NCOA1: variants seen among roughly 807,000 people sequenced by gnomAD.
The protein encoded by NCOA1 is Hin-2 protein.
In NCOA1, 35 loss-of-function variants were observed where a neutral mutation model predicts 150.9. The ratio of observed to expected loss-of-function variants is 0.23; its 90% CI spans 0.18 to 0.31. The LOEUF is 0.31. NCOA1 is among the 10% of genes least tolerant of loss of function. The probability of loss-of-function intolerance (pLI) is 1.00; values close to 1 mark genes in which losing one functional copy is unlikely to be tolerated. For synonymous variants in NCOA1, 590 were observed against 630.0 expected, an observed-to-expected ratio of 0.94 and a Z score of 0.95; for missense variants, 1,491 against 1,749.3, an observed-to-expected ratio of 0.85 and a Z score of 2.63.
At chr2:24,619,156 A>G (rs1426369863) in intron 3 of NCOA1, among the ~76,000 whole-genome samples, 1 of 152,162 alleles carries the variant, frequency 6.6e-6, no homozygotes, top group Non-Finnish European at 1.5e-5. Flanking sequence ...AATTGCTTCT[A>G]TTTAGGCATC....
chr2:24,689,071 A>G (rs1367819845), intron 8 of NCOA1, among the ~76,000 whole-genome samples: 2 of 151,894 alleles, frequency 1.3e-5, no homozygotes, highest in East Asian at 1.9e-4. Context: ...GTGCCGCCCT[A>G]TTTCTAGGCT....
chr2:24,615,004 A>T (rs865965749), intron 3 of NCOA1, among the ~76,000 whole-genome samples: 3 of 152,322 alleles, frequency 2.0e-5, no homozygotes, highest in Non-Finnish European at 1.5e-5. Flanking sequence ...GAGAAATTGA[A>T]TTATTCAAGT....
chr2:24,503,829 G>T (rs1663573151), intron 1 of NCOA1, among the ~76,000 whole-genome samples: 1 of 151,444 alleles, frequency 6.6e-6, no homozygotes, highest in Non-Finnish European at 1.5e-5. Flanking sequence ...CTGTCTCCTG[G>T]GTTCAAGCGA....
chr2:24,740,683 C>T (rs940488493), intron 18 of NCOA1, among the ~76,000 whole-genome samples: 2 of 152,172 alleles, frequency 1.3e-5, no homozygotes, highest in South Asian at 2.1e-4. Flanking sequence ...ATCCAGATTT[C>T]AGTTTCTCTG....
In NCOA1 at chr2:24,707,645, A is replaced by G; in HGVS notation, c.2175A>G (p.Val725=). ...CTTCTGTGTCAGTGACTGGACAGGT[A>G]CAAGGAAACTCCAGTATAAAACTAG... ...ASTSVSVTGQ[V]QGNSSIKLEL... The change falls in exon 13 of 23, where the codon GTA becomes GTG. Residue 725 remains valine (V), a synonymous_variant. Transcript: ENST00000348332. 1.2e-6 allele frequency: 2 copies of G among 1,614,258 alleles called. No individual in the cohort carries two copies. Among genetic ancestry groups the G allele is most frequent in the Middle Eastern group, 1.6e-4 (1 of 6,062 alleles).
intron 22 of NCOA1, among the ~76,000 whole-genome samples, chr2:24,763,371 C>G (rs1320073998): frequency 1.3e-5 from 2 of 151,528 alleles, no homozygotes; most frequent in African/African-American, 4.8e-5. Flanking sequence ...AACCCTGTCT[C>G]TACTAAAAAT....
chr2:24,541,886 A>G (rs2148195854), intron 1 of NCOA1, among the ~76,000 whole-genome samples: 1 of 152,372 alleles, frequency 6.6e-6, no homozygotes, highest in African/African-American at 2.4e-5. Context: ...GACTTTAAAA[A>G]TTTAAATTCA....
At chr2:24,541,755 C>T (rs1665408665) in intron 1 of NCOA1, among the ~76,000 whole-genome samples, 1 of 152,170 alleles carries the variant, frequency 6.6e-6, no homozygotes, top group African/African-American at 2.4e-5. Flanking sequence ...ACATGGCCAT[C>T]CCTCTTGTAG....
At chr2:24,621,194 A>G (rs541513349) in intron 3 of NCOA1, among the ~76,000 whole-genome samples, 1 of 152,070 alleles carries the variant, frequency 6.6e-6, no homozygotes, top group Admixed American at 6.6e-5. Context: ...TTCCTGGAAT[A>G]TGGCATGTGA....
intron 3 of NCOA1, among the ~76,000 whole-genome samples, chr2:24,634,251 T>C (rs1040711574): frequency 6.6e-6 from 1 of 152,158 alleles, no homozygotes; most frequent in Admixed American, 6.5e-5. Context: ...ATGGGGACTT[T>C]AGCTTTATCA....
At chr2:24,691,350 C>T in intron 8 of NCOA1, 131 bp from the exon 9 acceptor site, 2 of 745,304 alleles carry the variant, frequency 2.7e-6, no homozygotes, top group Non-Finnish European at 4.4e-6. Context: ...AATGTTAGAT[C>T]TGAAGAGGTC....
chr2:24,523,799 G>A (rs1330139039), intron 1 of NCOA1, among the ~76,000 whole-genome samples: 1 of 149,824 alleles, frequency 6.7e-6, no homozygotes, highest in Non-Finnish European at 1.5e-5. Flanking sequence ...GGTGGCGCGT[G>A]CCTGTAGTCC....
At chr2:24,672,472 G>A (rs1029205490) in intron 6 of NCOA1, among the ~76,000 whole-genome samples, 1 of 152,080 alleles carries the variant, frequency 6.6e-6, no homozygotes, top group Admixed American at 6.6e-5. Context: ...ATAGCCCACC[G>A]CTGCCTCAAA....
Position 24,729,446 on chromosome 2 carries a change from TG to T in NCOA1, c.2887-54del. 3 of 1,479,756 alleles carry T rather than the reference TG, an allele frequency of 2.0e-6. No individual in the cohort carries two copies. The East Asian group carries it at 6.8e-5, about 34-fold the overall frequency. The allele number at this position is 1,479,756 out of a possible 1,614,324, so 91.7% of individuals were successfully genotyped here. On this transcript the variant is annotated intron_variant, in intron 16 of 22. Coordinates refer to ENST00000348332, the MANE Select transcript of NCOA1 (RefSeq NM_003743.5). ...GGTGCTTTCTAGAAATACGGAAGCA[TG>T]TTACTTATTGGCAGAAATTTATTTG...
chr2:24,709,555 C>G (rs187012850), intron 13 of NCOA1, among the ~76,000 whole-genome samples: 45 of 152,130 alleles, frequency 3.0e-4, no homozygotes, highest in African/African-American at 9.6e-4. Flanking sequence ...TGTATGAGTC[C>G]TTTATTGGAC....
intron 2 of NCOA1, among the ~76,000 whole-genome samples, chr2:24,576,170 G>GTTTTTTTTTTTTTTTTTTTTTTTTT (rs869093026): frequency 2.2e-5 from 1 of 46,326 alleles, no homozygotes; most frequent in African/African-American, 6.4e-5. Flanking sequence ...TTTGTTTTTT[G>GTTTTTTTTTTTTTTTTTTTTTTTTT]TTTTTTTTTT....
chr2:24,592,945 T>G (rs892814696), intron 3 of NCOA1, among the ~76,000 whole-genome samples: 1 of 152,160 alleles, frequency 6.6e-6, no homozygotes, highest in African/African-American at 2.4e-5. Flanking sequence ...TTTTTTTGTT[T>G]CTATTTTCTT....
At chr2:24,554,335 C>G (rs1200288145) in intron 1 of NCOA1, 1 of 151,874 alleles carries the variant, frequency 6.6e-6, no homozygotes, top group Non-Finnish European at 1.5e-5. Flanking sequence ...TAGTAGTATC[C>G]CTGATTTTTT....
chr2:24,602,205 G>A (rs1346925271), intron 3 of NCOA1, among the ~76,000 whole-genome samples: 1 of 152,026 alleles, frequency 6.6e-6, no homozygotes, highest in African/African-American at 2.4e-5. Flanking sequence ...GTAAAGTTTA[G>A]CAAGTTTAAA....
Sources: gnomAD v4.1 joint callset for allele counts (sites outside exome capture counted in the v4.1 genomes callset) on GRCh38, gnomAD v4.1.1 for gene constraint, MANE v1.5 for transcripts, NCBI Gene and HGNC (gene_info 2026-07-23, HGNC 2026-07-21) for gene names.